Variants in SLC9C1 observed in about 807,000 individuals in gnomAD.
The protein encoded by SLC9C1 is sodium/hydrogen exchanger 10.
In SLC9C1, 97 loss-of-function variants were observed where a neutral mutation model predicts 140.9. The ratio of observed to expected loss-of-function variants is 0.69; its 90% confidence interval spans 0.58 to 0.82. The LOEUF is 0.82. Ranked by LOEUF, SLC9C1 falls within the 40% of genes least tolerant of loss-of-function variation. The pLI is 0.00. For synonymous variants in SLC9C1, 440 were observed against 442.6 expected (o/e 0.99, Z 0.07); for missense variants, 1,340 against 1,389.3 (o/e 0.96, Z 0.56).
intron 6 of SLC9C1, among the ~76,000 whole-genome samples, chr3:112,274,183 T>C (rs1224842901): frequency 6.6e-6 from 1 of 152,132 alleles, no homozygotes; most frequent in Non-Finnish European, 1.5e-5. Flanking sequence ...AGGAGGAAGA[T>C]ACAGGGTTTT....
intron 28 of SLC9C1, among the ~76,000 whole-genome samples, chr3:112,148,184 G>C (rs1050419594): frequency 6.6e-6 from 1 of 151,910 alleles, no homozygotes; most frequent in East Asian, 1.9e-4. Context: ...AGGTTTCTTT[G>C]TGTTGATTTC....
chr3:112,147,799 G>T, intron 28 of SLC9C1, among the ~76,000 whole-genome samples: 1 of 152,068 alleles, frequency 6.6e-6, no homozygotes, highest in South Asian at 2.1e-4. Flanking sequence ...TTTTGTATCT[G>T]GATGTCTACA....
chr3:112,162,305 G>A (rs199983834), intron 26 of SLC9C1, among the ~76,000 whole-genome samples: 7 of 151,948 alleles, frequency 4.6e-5, no homozygotes, highest in African/African-American at 7.3e-5. Flanking sequence ...TTCCAACACT[G>A]TGTTGAATAG....
At chr3:112,288,609 T>TA (rs1389658552) in intron 1 of SLC9C1, among the ~76,000 whole-genome samples, 1 of 152,140 alleles carries the variant, frequency 6.6e-6, no homozygotes, top group Non-Finnish European at 1.5e-5. Flanking sequence ...ATAAAAAACT[T>TA]ACCTCAGTGT....
intron 10 of SLC9C1, among the ~76,000 whole-genome samples, chr3:112,247,484 A>T (rs1373781884): frequency 6.6e-6 from 1 of 152,210 alleles, no homozygotes; most frequent in Non-Finnish European, 1.5e-5. Context: ...GTCACTTATG[A>T]CATCTCTGGG....
chr3:112,219,044 A>G (rs779842458), intron 14 of SLC9C1, among the ~76,000 whole-genome samples: 3 of 152,212 alleles, frequency 2.0e-5, no homozygotes, highest in Admixed American at 6.5e-5. Context: ...ACAGCATCTA[A>G]TAAGATTCTT....
At chr3:112,188,065 A>G (rs989780569) in intron 20 of SLC9C1, among the ~76,000 whole-genome samples, 13 of 152,104 alleles carry the variant, frequency 8.5e-5, no homozygotes, top group African/African-American at 3.1e-4. Flanking sequence ...TTGCACAGCT[A>G]TACCACACTT....
intron 7 of SLC9C1, among the ~76,000 whole-genome samples, chr3:112,269,038 G>T (rs2079998985): frequency 6.6e-6 from 1 of 152,194 alleles, no homozygotes; most frequent in Non-Finnish European, 1.5e-5. Context: ...TACTTGATAT[G>T]TAACTTCTAT....
intron 14 of SLC9C1, among the ~76,000 whole-genome samples, chr3:112,219,574 G>GTTTTAT (rs1197549612): frequency 6.6e-6 from 1 of 151,958 alleles, no homozygotes; most frequent in African/African-American, 2.4e-5. Flanking sequence ...GCTCTATGTT[G>GTTTTAT]TTTTATTTTT....
At chr3:112,180,537 A>G (rs777001483) in intron 22 of SLC9C1, 27 bp downstream of exon 22, 1 of 1,571,322 alleles carries the variant, frequency 6.4e-7, no homozygotes, top group Non-Finnish European at 8.6e-7. Flanking sequence ...ACAAAAAAAC[A>G]AAACAAAACA....
chr3:112,284,769 G>A (rs1445380313), intron 2 of SLC9C1, among the ~76,000 whole-genome samples: 1 of 152,094 alleles, frequency 6.6e-6, no homozygotes, highest in African/African-American at 2.4e-5. Flanking sequence ...GAAGGAGTGA[G>A]ACAATTTGCC....
intron 28 of SLC9C1, chr3:112,147,469 A>C: frequency 2.5e-6 from 1 of 396,526 alleles, no homozygotes; most frequent in Non-Finnish European, 5.0e-6. Context: ...GTCTCTTGTA[A>C]GGATGGTCTC....
chr3:112,160,718 C>T lies in SLC9C1; in HGVS notation c.3365-5669G>A, dbSNP rs369898309. On this transcript the variant is annotated intron_variant, in intron 26 of 28. Coordinates refer to ENST00000305815, the MANE Select transcript of SLC9C1 (RefSeq NM_183061.3). ...AAGTCTTTGCTATTGTGAATAATGC[C>T]GCAATAAACATACGTGTGCATGTGT... 3.8e-4 allele frequency among the ~76,000 whole-genome samples: 58 copies of T among 150,938 alleles called. 2 individuals are homozygous for T. The East Asian group carries it at 4.8e-3, about 13-fold the overall frequency.
intron 20 of SLC9C1, chr3:112,185,384 C>A: frequency 2.6e-6 from 2 of 782,052 alleles, no homozygotes; most frequent in Non-Finnish European, 4.0e-6. Flanking sequence ...CATCGGCCTG[C>A]GATGGGGATG....
chr3:112,147,232 T>A (rs1048914326), intron 28 of SLC9C1, among the ~76,000 whole-genome samples: 1 of 152,238 alleles, frequency 6.6e-6, no homozygotes, highest in Non-Finnish European at 1.5e-5. Flanking sequence ...TCTTGTTTTT[T>A]AAATTCAACT....
chr3:112,275,636 C>A (rs1168946993), intron 5 of SLC9C1, among the ~76,000 whole-genome samples: 3 of 152,064 alleles, frequency 2.0e-5, no homozygotes, highest in East Asian at 3.9e-4. Context: ...CAACTTTGAC[C>A]ATCTATAGTG....
intron 2 of SLC9C1, among the ~76,000 whole-genome samples, chr3:112,281,135 G>A (rs1343698638): frequency 1.3e-5 from 2 of 152,200 alleles, no homozygotes; most frequent in South Asian, 2.1e-4. Flanking sequence ...AGATTAGTAA[G>A]TAAACTTTAA....
chr3:112,246,202 G>A (rs1433554951), intron 10 of SLC9C1, among the ~76,000 whole-genome samples: 6 of 152,096 alleles, frequency 3.9e-5, no homozygotes, highest in Non-Finnish European at 8.8e-5. Flanking sequence ...CCTCTGGCTT[G>A]TAAAGGCACC....
intron 1 of SLC9C1, among the ~76,000 whole-genome samples, chr3:112,290,533 GT>G (rs1437553311): frequency 1.3e-5 from 2 of 152,114 alleles, no homozygotes; most frequent in Non-Finnish European, 2.9e-5. Flanking sequence ...ATACTCTTTT[GT>G]TTTTGGGTGA....
Sources: allele counts gnomAD v4.1 joint callset (sites outside exome capture counted in the v4.1 genomes callset), GRCh38; gene constraint gnomAD v4.1.1; transcripts MANE v1.5; gene names NCBI Gene and HGNC (gene_info 2026-07-23, HGNC 2026-07-21).